Variants in TRIM24 observed in about 807,000 individuals in gnomAD.
TRIM24 encodes the protein transcription intermediary factor 1-alpha.
A neutral mutation model predicts 123.9 loss-of-function variants in TRIM24; 29 were observed. That is an observed-to-expected ratio of 0.23 (90% confidence interval 0.17 to 0.32). TRIM24 has a LOEUF of 0.32. TRIM24 is among the 10% of genes least tolerant of loss of function. The pLI is 1.00. For synonymous variants in TRIM24, 456 were observed against 461.1 expected, an observed-to-expected ratio of 0.99 and a Z score of 0.14; for missense variants, 932 against 1,295.3, an observed-to-expected ratio of 0.72 and a Z score of 4.31.
chr7:138,511,203 C>G (rs959396927), intron 2 of TRIM24, among the ~76,000 whole-genome samples: 1 of 152,050 alleles, frequency 6.6e-6, no homozygotes, highest in East Asian at 1.9e-4. Flanking sequence ...AGGAAACTTA[C>G]AATCATGGTG....
intron 13 of TRIM24, among the ~76,000 whole-genome samples, chr7:138,576,655 AAT>A (rs1213383613): frequency 6.6e-6 from 1 of 152,192 alleles, no homozygotes; most frequent in East Asian, 1.9e-4. Flanking sequence ...AATATTTGTC[AAT>A]ATGTTGAAAA....
chr7:138,508,692 T>TGTGCGCGCGTGC (rs1422176564), intron 2 of TRIM24, among the ~76,000 whole-genome samples: 1 of 137,214 alleles, frequency 7.3e-6, no homozygotes, highest in Non-Finnish European at 1.6e-5. Context: ...TGTGTGTGTG[T>TGTGCGCGCGTGC]GCGCGCGCGT....
In TRIM24 at chr7:138,508,692, T is replaced by TGTGTGCGC. The variant is rs1422176564; in HGVS notation, c.483+4285_483+4286insTGTGCGCG. ...GTGTGTGTGTGTGTGTGTGTGTGTGTGCGCGCGCGTGTGTGCGTGTGTGTG... is the reference window on the plus strand; with the variant it reads ...GTGTGTGTGTGTGTGTGTGTGTGTGTGTGTGCGCGCGCGCGCGTGTGTGCGTGTGTGTG... On this transcript the variant is annotated intron_variant, in intron 2 of 18. Coordinates refer to ENST00000343526, the MANE Select transcript of TRIM24 (RefSeq NM_015905.3). 1.5e-3 allele frequency among the ~76,000 whole-genome samples: 210 copies of TGTGTGCGC among 137,268 alleles called. 3 individuals are homozygous for TGTGTGCGC. Among genetic ancestry groups the TGTGTGCGC allele is most frequent in the African/African-American group, 1.4e-3 (52 of 36,380 alleles). 90.1% of individuals were successfully genotyped at this position (137,268 alleles called of 152,430 possible).
chr7:138,495,885 C>T (rs1318678432), intron 1 of TRIM24, among the ~76,000 whole-genome samples: 1 of 152,184 alleles, frequency 6.6e-6, no homozygotes, highest in African/African-American at 2.4e-5. Context: ...CCTTTTGAGA[C>T]TCTGATTAAA....
chr7:138,472,793 C>T (rs1170551951), intron 1 of TRIM24, among the ~76,000 whole-genome samples: 3 of 152,140 alleles, frequency 2.0e-5, no homozygotes, highest in Non-Finnish European at 4.4e-5. Context: ...CAGTGTACTG[C>T]TTCCTTCATC....
intron 17 of TRIM24, 127 bp downstream of exon 17, chr7:138,581,898 C>A: frequency 1.5e-6 from 1 of 673,146 alleles, no homozygotes; most frequent in Non-Finnish European, 2.4e-6. Context: ...CTTAATAATA[C>A]ATACTGAATG....
chr7:138,521,936 C>T (rs1313187845), intron 4 of TRIM24, among the ~76,000 whole-genome samples: 1 of 152,002 alleles, frequency 6.6e-6, no homozygotes, highest in South Asian at 2.1e-4. Context: ...TAGAAAACTC[C>T]ATAGTCACAG....
chr7:138,530,614 A>T (rs879505062), intron 6 of TRIM24, among the ~76,000 whole-genome samples: 5 of 151,440 alleles, frequency 3.3e-5, no homozygotes, highest in Non-Finnish European at 7.4e-5. Context: ...CTACAAGTGT[A>T]TGCCACCATG....
In TRIM24 at chr7:138,460,289, A is replaced by T; in HGVS notation, c.-260A>T. 2.7e-6 allele frequency: 1 copy of T among 372,868 alleles called. No individual in the cohort carries two copies. Among genetic ancestry groups the T allele is most frequent in the Non-Finnish European group, 4.7e-6 (1 of 210,884 alleles). The allele number at this position is 372,868 out of a possible 1,614,324, so 23.1% of individuals were successfully genotyped here. On this transcript the variant is annotated 5_prime_UTR_variant, in exon 1 of 19. In the 5' UTR this introduces an upstream ATG that the reference lacks. Coordinates refer to ENST00000343526, the MANE Select transcript of TRIM24 (RefSeq NM_015905.3). ...CCACGAGCGCCTCGGCGGTTGGCGAAGCGGACGGGGTGCAGCCTCCCCGGT... is the reference window on the plus strand; with the variant it reads ...CCACGAGCGCCTCGGCGGTTGGCGATGCGGACGGGGTGCAGCCTCCCCGGT...
At position 138,567,445 on chromosome 7, in the gene TRIM24, G is replaced by A. The variant is rs1476403491; in HGVS notation, c.1531-36G>A. On this transcript the variant is annotated intron_variant, in intron 9 of 18. Transcript: ENST00000343526. Reference sequence around the variant, plus strand: ...ATTTATAATTTGTTTTTCAGAAGAAGATTGTTACTAAATTGGTTTAATTTC... The same window carrying A: ...ATTTATAATTTGTTTTTCAGAAGAAAATTGTTACTAAATTGGTTTAATTTC... 7 of 1,572,104 alleles carry A rather than the reference G, an allele frequency of 4.5e-6. No individual in the cohort carries two copies. The East Asian group carries it at 1.6e-4, about 36-fold the overall frequency.
At chr7:138,541,717 A>G (rs547167371) in intron 7 of TRIM24, among the ~76,000 whole-genome samples, 7 of 152,318 alleles carry the variant, frequency 4.6e-5, no homozygotes, top group South Asian at 2.1e-4. Flanking sequence ...TCTTCTCTCT[A>G]TGAAATTTCT....
At position 138,587,859 on chromosome 7, in the gene TRIM24, A is replaced by G. The variant is rs1204647845; in HGVS notation, c.*2908A>G. 6.6e-6 allele frequency: 1 copy of G among 152,230 alleles called. No individual in the cohort carries two copies. Among genetic ancestry groups the G allele is most frequent in the Non-Finnish European group, 1.5e-5 (1 of 68,048 alleles). The allele number at this position is 152,230 out of a possible 1,614,324, so 9.4% of individuals were successfully genotyped here. On this transcript the variant is annotated 3_prime_UTR_variant, in exon 19 of 19. Coordinates refer to ENST00000343526, the MANE Select transcript of TRIM24 (RefSeq NM_015905.3). ...ATGGCCATGGCAAAAGTATAAATGG[A>G]TGGATGTAGACCATATTCAACGCAG...
intron 7 of TRIM24, among the ~76,000 whole-genome samples, chr7:138,549,045 A>T (rs1797159137): frequency 6.6e-6 from 1 of 152,288 alleles, no homozygotes; most frequent in Non-Finnish European, 1.5e-5. Flanking sequence ...AGTATAATAT[A>T]ATAAATACAT....
At chr7:138,484,696 A>G (rs772459245) in intron 1 of TRIM24, among the ~76,000 whole-genome samples, 2 of 152,140 alleles carry the variant, frequency 1.3e-5, no homozygotes, top group Non-Finnish European at 2.9e-5. Flanking sequence ...GGCGAACTTC[A>G]TAAAATGAAT....
intron 1 of TRIM24, among the ~76,000 whole-genome samples, chr7:138,492,723 T>C (rs1053625333): frequency 6.6e-6 from 1 of 152,202 alleles, no homozygotes; most frequent in African/African-American, 2.4e-5. Flanking sequence ...TGGAAAATTA[T>C]AGTTGTAAAG....
At chr7:138,494,765 T>C (rs1489557915) in intron 1 of TRIM24, among the ~76,000 whole-genome samples, 3 of 152,182 alleles carry the variant, frequency 2.0e-5, no homozygotes, top group East Asian at 3.8e-4. Context: ...AAGAGTATAT[T>C]TGGTTGTTTC....
Position 138,460,420 on chromosome 7 carries a change from C to T in TRIM24, c.-129C>T. 1.9e-6 allele frequency: 2 copies of T among 1,052,422 alleles called. No homozygotes were observed. The highest frequency in any genetic ancestry group is 1.2e-6 in the Non-Finnish European group (1 of 822,210). 65.2% of individuals were successfully genotyped at this position (1,052,422 alleles called of 1,614,324 possible). A position where few individuals can be genotyped will look rare whatever the true frequency, so the allele number is the denominator to read the frequency against. On this transcript the variant is annotated 5_prime_UTR_variant, in exon 1 of 19. Transcript: ENST00000343526. ...TTCCCCCGCCCGGTTTGCTTTCCCT[C>T]CCTCGCTGGCGCTGCCGCGAGTCCA...
intron 1 of TRIM24, among the ~76,000 whole-genome samples, chr7:138,499,080 C>CT (rs539329594): frequency 3.3e-4 from 49 of 150,762 alleles, no homozygotes; most frequent in East Asian, 3.1e-3. Context: ...GTGGATTTGT[C>CT]TTTTTTTTTA....
rs747087695 is a variant in TRIM24 at position 138,529,170 on chromosome 7, T to C, written c.936T>C (p.Ala312=). 1.1e-4 allele frequency: 175 copies of C among 1,581,466 alleles called. 2 individuals carry two copies. In the Middle Eastern group the frequency reaches 2.3e-3, roughly 21 times the overall value. Residue 312 remains alanine, a synonymous_variant, in exon 6 of 19, where the codon GCT becomes GCC. Coordinates refer to ENST00000343526, the MANE Select transcript of TRIM24 (RefSeq NM_015905.3). ...AGGTGGAACAGGATATTAAAGTTGC[T>C]ATATTTACACTGATGGTAGAAATAA... ...QKQVEQDIKV[A]IFTLMVEINK...
Sources: allele counts gnomAD v4.1 joint callset (sites outside exome capture counted in the v4.1 genomes callset), GRCh38; gene constraint gnomAD v4.1.1; transcripts MANE v1.5; gene names NCBI Gene and HGNC (gene_info 2026-07-23, HGNC 2026-07-21).